Variants in PPARGC1A observed in about 807,000 individuals in gnomAD.
PPARGC1A encodes PPARG coactivator 1 alpha.
Under a neutral mutation model 88.7 loss-of-function variants are expected in PPARGC1A, and 25 were observed. That is an observed-to-expected ratio of 0.28 (90% CI 0.21 to 0.39). The LOEUF is 0.39. PPARGC1A is among the 10% of genes least tolerant of loss of function. PPARGC1A has a pLI of 1.00. For missense variants in PPARGC1A, 880 were observed against 968.7 expected (o/e 0.91, Z 1.22); for synonymous variants, 363 against 355.6 (o/e 1.02, Z -0.24).
chr4:23,932,292 C>CGCTTAGTTCCTT, the PPARGC1A span, among the ~76,000 whole-genome samples: 50 of 152,252 alleles, frequency 3.3e-4, no homozygotes, highest in South Asian at 2.1e-3. Flanking sequence ...ATTAGTTCCT[C>CGCTTAGTTCCTT]GCTTAGTTCC....
At chr4:23,889,090 C>A (rs1717397539) in intron 1 of PPARGC1A, 1 of 985,246 alleles carries the variant, frequency 1.0e-6, no homozygotes, top group Non-Finnish European at 1.2e-6. Flanking sequence ...TTATTTTCCC[C>A]CCTGTATGAA....
chr4:24,317,489 G>A, the PPARGC1A span, among the ~76,000 whole-genome samples: 1 of 135,764 alleles, frequency 7.4e-6, no homozygotes, highest in East Asian at 2.4e-4. Context: ...GGATTGGGAT[G>A]AAAGAATGGA....
chr4:24,155,817 G>T, the PPARGC1A span, among the ~76,000 whole-genome samples: 1 of 152,114 alleles, frequency 6.6e-6, no homozygotes, highest in Non-Finnish European at 1.5e-5. Context: ...GGGAAGTCCT[G>T]AGCGAACCAT....
the PPARGC1A span, among the ~76,000 whole-genome samples, chr4:24,334,772 A>G: frequency 6.6e-6 from 1 of 152,210 alleles, no homozygotes; most frequent in Non-Finnish European, 1.5e-5. Flanking sequence ...ACAATGCTCG[A>G]CTGGATAGAC....
chr4:24,259,467 A>G, the PPARGC1A span, among the ~76,000 whole-genome samples: 2 of 152,334 alleles, frequency 1.3e-5, no homozygotes, highest in Non-Finnish European at 2.9e-5. Context: ...TTCACATGCC[A>G]CAGAACGACA....
At chr4:24,425,656 A>G in the PPARGC1A span, among the ~76,000 whole-genome samples, 1 of 152,248 alleles carries the variant, frequency 6.6e-6, no homozygotes, top group African/African-American at 2.4e-5. Context: ...GTAATAAATC[A>G]ACATGGCCAA....
At chr4:23,857,877 T>C (rs1290344523) in intron 2 of PPARGC1A, among the ~76,000 whole-genome samples, 1 of 151,572 alleles carries the variant, frequency 6.6e-6, no homozygotes, top group Non-Finnish European at 1.5e-5. Context: ...TTCAACACCC[T>C]CTCATCAATT....
chr4:24,467,647 A>C, the PPARGC1A span, among the ~76,000 whole-genome samples: 2 of 151,282 alleles, frequency 1.3e-5, no homozygotes, highest in Admixed American at 1.3e-4. Flanking sequence ...ATATTCATGG[A>C]GGTAATGCCA....
At chr4:24,089,514 C>CTTTT in the PPARGC1A span, among the ~76,000 whole-genome samples, 4 of 38,680 alleles carry the variant, frequency 1.0e-4, 1 homozygote, top group African/African-American at 1.1e-4. Context: ...TCTTTTCTTT[C>CTTTT]TTTTTTTTTT....
In PPARGC1A at chr4:23,850,705, C is replaced by T. The variant is rs190571152; in HGVS notation, c.235-18954G>A. ...GGGATACTGTCAAGCCCTTTCCACA[C>T]GCCGCTTCCTTTTATCTTCATAGTG... On this transcript the variant is annotated intron_variant, in intron 2 of 12. Coordinates refer to ENST00000264867, the MANE Select transcript of PPARGC1A (RefSeq NM_013261.5). 3.0e-4 allele frequency among the ~76,000 whole-genome samples: 46 copies of T among 152,286 alleles called. 2 individuals carry two copies. The Middle Eastern group carries it at 0.027, about 90-fold the overall frequency.
chr4:24,091,420 G>C, the PPARGC1A span: 1 of 980,376 alleles, frequency 1.0e-6, no homozygotes, highest in Non-Finnish European at 1.2e-6. Context: ...GGAGCCAAAA[G>C]AGTTGAGAGA....
the PPARGC1A span, among the ~76,000 whole-genome samples, chr4:24,280,819 C>T: frequency 5.3e-5 from 8 of 152,156 alleles, no homozygotes; most frequent in South Asian, 2.1e-4. Flanking sequence ...TGTTGTTCCT[C>T]GTCTTTGGCA....
chr4:23,859,544 G>A lies in PPARGC1A; in HGVS notation c.234+25208C>T, dbSNP rs537380660. Among the ~76,000 whole-genome samples the A allele has an allele frequency of 2.6e-5, 4 of 152,258 alleles. No individual in the cohort carries two copies. The South Asian group carries it at 8.3e-4, about 32-fold the overall frequency. ...CGCCTGTAATCCCAGTACTTTGGGA[G>A]GTCGAGGTGGGTGGATCACAAGGTC... On this transcript the variant is annotated intron_variant, in intron 2 of 12. Transcript: ENST00000264867.
At chr4:23,989,505 C>A in the PPARGC1A span, among the ~76,000 whole-genome samples, 1 of 151,842 alleles carries the variant, frequency 6.6e-6, no homozygotes, top group Admixed American at 6.6e-5. Context: ...GGGCAGGTAA[C>A]AAAAGTGGAA....
At chr4:23,944,477 G>A in the PPARGC1A span, among the ~76,000 whole-genome samples, 2,178 of 152,192 alleles carry the variant, frequency 0.014, 50 homozygotes, top group African/African-American at 0.049. Flanking sequence ...ACATAACACC[G>A]ACCAGGTACT....
the PPARGC1A span, among the ~76,000 whole-genome samples, chr4:23,960,923 G>A: frequency 6.6e-6 from 1 of 152,100 alleles, no homozygotes; most frequent in Admixed American, 6.6e-5. Context: ...CCTCTGAACA[G>A]TGAGTGTTCT....
intron 2 of PPARGC1A, among the ~76,000 whole-genome samples, chr4:23,862,574 G>A (rs1441360689): frequency 3.3e-5 from 5 of 152,172 alleles, no homozygotes; most frequent in Admixed American, 3.3e-4. Flanking sequence ...ACTGTAAAAT[G>A]AGGTAACACT....
chr4:23,990,689 C>A, the PPARGC1A span, among the ~76,000 whole-genome samples: 12 of 151,426 alleles, frequency 7.9e-5, no homozygotes, highest in Admixed American at 5.9e-4. Flanking sequence ...GCCATCCTGA[C>A]GTGGGGTTTC....
the PPARGC1A span, among the ~76,000 whole-genome samples, chr4:24,451,176 CTTTGA>C: frequency 6.6e-6 from 1 of 152,132 alleles, no homozygotes; most frequent in African/African-American, 2.4e-5. Context: ...ATAAACTTTG[CTTTGA>C]TGTCTGCATA....
Sources: allele counts gnomAD v4.1 joint callset (sites outside exome capture counted in the v4.1 genomes callset), GRCh38; gene constraint gnomAD v4.1.1; transcripts MANE v1.5; gene names NCBI Gene and HGNC (gene_info 2026-07-23, HGNC 2026-07-21).